The following HS1BP3 variants were observed in gnomAD, a reference collection of about 807,000 sequenced individuals.
HS1BP3 encodes HCLS1 binding protein 3.
A neutral mutation model predicts 33.5 loss-of-function variants in HS1BP3; 32 were observed. The observed-to-expected ratio is 0.95, with a 90% CI of 0.72 to 1.28. HS1BP3 has a LOEUF of 1.28. HS1BP3 is among the 50% of genes most tolerant of loss of function. The pLI is 0.00. For missense variants in HS1BP3, 486 were observed against 502.3 expected (o/e 0.97, Z 0.31); for synonymous variants, 187 against 209.2 (o/e 0.89, Z 0.92).
At position 20,611,011 on chromosome 2, in the gene HS1BP3, C is replaced by T. The variant is rs1174365216; in HGVS notation, c.179-12746G>A. 2.0e-5 allele frequency among the ~76,000 whole-genome samples: 3 copies of T among 152,178 alleles called. No homozygotes were observed. Among genetic ancestry groups the T allele is most frequent in the Admixed American group, 1.3e-4 (2 of 15,280 alleles). ...ACCATGGGTCTGCTTTCTGTCACTA[C>T]AATTTTGCCTTTTCTAGGGTTTCAT... On this transcript the variant is annotated intron_variant, in intron 2 of 3. Transcript: ENST00000415264. The surrounding 1 kb of genome is among the most constrained non-coding windows in gnomAD (Gnocchi z 4.9).
chr2:20,578,250 G>A (rs1299493837), intron 5 of HS1BP3, among the ~76,000 whole-genome samples: 1 of 152,220 alleles, frequency 6.6e-6, no homozygotes, highest in Non-Finnish European at 1.5e-5. Context: ...TGGCTCCTAA[G>A]TGGCTCCAGG....
intron 1 of HS1BP3, among the ~76,000 whole-genome samples, chr2:20,650,547 TC>T (rs1695660702): frequency 6.6e-6 from 1 of 152,156 alleles, no homozygotes; most frequent in African/African-American, 2.4e-5. Flanking sequence ...TGTACTGTGT[TC>T]CCATGGCAAC....
intron 2 of HS1BP3, among the ~76,000 whole-genome samples, chr2:20,600,136 T>C (rs1194952526): frequency 6.6e-6 from 1 of 152,204 alleles, no homozygotes; most frequent in Non-Finnish European, 1.5e-5. Flanking sequence ...GCTGGCCTTG[T>C]AGCCTGTTAG....
At chr2:20,642,503 AAC>A (rs1383482562) in intron 2 of HS1BP3, among the ~76,000 whole-genome samples, 2 of 152,232 alleles carry the variant, frequency 1.3e-5, no homozygotes, top group South Asian at 2.1e-4. Context: ...AGCGATTGCT[AAC>A]ACAGGCTCCG....
intron 4 of HS1BP3, among the ~76,000 whole-genome samples, chr2:20,633,815 G>A (rs549844272): frequency 1.3e-4 from 20 of 152,358 alleles, no homozygotes; most frequent in African/African-American, 4.8e-4. Context: ...GAGCTGCTGC[G>A]TCCGGCCACG....
At chr2:20,650,130 G>C (rs1002081765) in intron 1 of HS1BP3, among the ~76,000 whole-genome samples, 23 of 152,160 alleles carry the variant, frequency 1.5e-4, no homozygotes, top group Admixed American at 6.5e-5. Context: ...GTTTACAAAA[G>C]GAATCATACC....
At chr2:20,590,042 G>A (rs189172881), downstream of HS1BP3, among the ~76,000 whole-genome samples, 10 of 152,280 alleles carry the variant, frequency 6.6e-5, no homozygotes, top group East Asian at 1.9e-3. Context: ...AATGAATAAA[G>A]GAAGGAGGCT....
intron 4 of HS1BP3, among the ~76,000 whole-genome samples, chr2:20,630,929 G>A (rs888718064): frequency 2.0e-5 from 3 of 152,226 alleles, no homozygotes; most frequent in Non-Finnish European, 4.4e-5. Flanking sequence ...CTCCAGTGGG[G>A]CCTGGGGAGA....
intron 6 of HS1BP3, chr2:20,623,289 C>T (rs1479316019): frequency 6.6e-6 from 1 of 152,280 alleles, no homozygotes; most frequent in African/African-American, 2.4e-5. Context: ...AAATAGCATC[C>T]ACCTTAGGGG....
intron 5 of HS1BP3, among the ~76,000 whole-genome samples, chr2:20,563,465 T>C (rs1693051457): frequency 6.6e-6 from 1 of 152,226 alleles, no homozygotes; most frequent in African/African-American, 2.4e-5. Context: ...TGTGGTCTGA[T>C]GGGGCCACTA....
At chr2:20,581,615 G>A (rs1286540823) in intron 5 of HS1BP3, among the ~76,000 whole-genome samples, 1 of 152,196 alleles carries the variant, frequency 6.6e-6, no homozygotes, top group African/African-American at 2.4e-5. Context: ...CTCCCAAAGT[G>A]CTGGGATTAC....
chr2:20,633,148 AAG>A (rs1695018200), intron 4 of HS1BP3, among the ~76,000 whole-genome samples: 1 of 152,180 alleles, frequency 6.6e-6, no homozygotes, highest in Non-Finnish European at 1.5e-5. Flanking sequence ...GAGTGGCAGA[AAG>A]GGGATTTGAA....
intron 5 of HS1BP3, among the ~76,000 whole-genome samples, chr2:20,580,128 C>T (rs560553187): frequency 1.2e-4 from 19 of 152,390 alleles, no homozygotes; most frequent in African/African-American, 4.1e-4. Flanking sequence ...AGAGGGCACA[C>T]AGCCTAGTGG....
intron 1 of HS1BP3, 78 bp downstream of exon 1, chr2:20,650,954 G>T: frequency 8.5e-7 from 1 of 1,169,906 alleles, no homozygotes; most frequent in South Asian, 4.3e-5. Context: ...CCTAGGAGGC[G>T]GCGGCCTCCC....
At chr2:20,597,220 CTCTGT>C (rs1693962750) in intron 3 of HS1BP3, among the ~76,000 whole-genome samples, 1 of 152,210 alleles carries the variant, frequency 6.6e-6, no homozygotes, top group Admixed American at 6.5e-5. Context: ...GGAAGCAGGC[CTCTGT>C]TCTAGGACTT....
chr2:20,576,603 A>G (rs1354651245), intron 5 of HS1BP3, among the ~76,000 whole-genome samples: 1 of 152,200 alleles, frequency 6.6e-6, no homozygotes, highest in Non-Finnish European at 1.5e-5. Flanking sequence ...CGCCTCCCTC[A>G]TTGTACTGTA....
intron 5 of HS1BP3, among the ~76,000 whole-genome samples, chr2:20,582,885 G>A (rs536934430): frequency 1.3e-5 from 2 of 152,226 alleles, no homozygotes; most frequent in South Asian, 4.1e-4. Context: ...CTTTTGGCAG[G>A]GTCAGAGCCT....
intron 6 of HS1BP3, 116 bp from the exon 7 acceptor site, chr2:20,619,361 C>T (rs549589920): frequency 8.7e-6 from 8 of 918,834 alleles, no homozygotes; most frequent in African/African-American, 5.0e-5. Flanking sequence ...AGCCCAGCCT[C>T]GGCCAGGTCA....
At chr2:20,637,408 ACC>A (rs891781834) in intron 4 of HS1BP3, 3 of 152,194 alleles carry the variant, frequency 2.0e-5, no homozygotes, top group African/African-American at 7.2e-5. Flanking sequence ...AGGGCCGCTG[ACC>A]CCACTCAGGG....
Sources: allele counts gnomAD v4.1 joint callset (sites outside exome capture counted in the v4.1 genomes callset), GRCh38; gene constraint gnomAD v4.1.1; non-coding constraint Gnocchi (gnomAD v3.1); transcripts MANE v1.5; gene names NCBI Gene and HGNC (gene_info 2026-07-23, HGNC 2026-07-21).